Variants in KALRN observed in about 807,000 individuals in gnomAD.
The protein encoded by KALRN is kalirin RhoGEF kinase, also known as kalirin.
KALRN carries 70 observed loss-of-function variants against 353.7 expected under a neutral mutation model. The observed-to-expected ratio is 0.20, with a 90% CI of 0.16 to 0.24. KALRN has a LOEUF of 0.24. Among genes scored for constraint, KALRN ranks in the 10% least tolerant of loss-of-function variants. KALRN has a pLI of 1.00. For missense variants in KALRN, 2,791 were observed against 3,756.7 expected (o/e 0.74, Z 6.72); for synonymous variants, 1,391 against 1,434.8 (o/e 0.97, Z 0.69).
intron 26 of KALRN, among the ~76,000 whole-genome samples, chr3:124,475,244 T>A (rs1282517153): frequency 6.6e-6 from 1 of 152,162 alleles, no homozygotes; most frequent in Non-Finnish European, 1.5e-5. Context: ...TTGGTTACAT[T>A]TTCTTCTTTA....
intron 3 of KALRN, among the ~76,000 whole-genome samples, chr3:124,240,520 A>G (rs758906680): frequency 3.3e-5 from 5 of 152,196 alleles, no homozygotes; most frequent in African/African-American, 7.2e-5. Context: ...CCTGACAGGA[A>G]CTGTGGCCTT....
chr3:124,337,922 G>A (rs572058875), intron 9 of KALRN, among the ~76,000 whole-genome samples: 53 of 152,246 alleles, frequency 3.5e-4, no homozygotes, highest in African/African-American at 8.9e-4. Flanking sequence ...GTTTATTTGC[G>A]TAGAGGTATT....
At chr3:124,216,147 A>C (rs1334055687) in intron 1 of KALRN, among the ~76,000 whole-genome samples, 3 of 152,244 alleles carry the variant, frequency 2.0e-5, no homozygotes, top group Non-Finnish European at 4.4e-5. Flanking sequence ...CTTACAGCAC[A>C]GGATCTTTCA....
intron 1 of KALRN, among the ~76,000 whole-genome samples, chr3:124,062,462 G>A (rs1001650300): frequency 3.3e-5 from 5 of 152,164 alleles, no homozygotes; most frequent in African/African-American, 7.2e-5. Context: ...ACCTACAGCT[G>A]CTTGCATCAG....
intron 1 of KALRN, among the ~76,000 whole-genome samples, chr3:124,076,542 C>T (rs1263449681): frequency 2.6e-5 from 4 of 152,180 alleles, no homozygotes; most frequent in Admixed American, 6.5e-5. Context: ...CGGAGGAGCC[C>T]GCATCTTCCA....
rs146327967 is a variant in KALRN, at chr3:124,417,483, G to A, written c.2542+3818G>A. Among the ~76,000 whole-genome samples, 461 of 152,298 alleles carry A rather than the reference G, an allele frequency of 3.0e-3. 4 individuals are homozygous for A. The highest frequency in any genetic ancestry group is 0.019 in the South Asian group (91 of 4,820). On this transcript the variant is annotated intron_variant, in intron 14 of 59. Transcript: ENST00000682506. The stretch of plus-strand genomic sequence containing the variant: ...ATGTTGTTTTTGTGATTTACACAAC[G>A]CGTTAAGTTCTCTCTTTATACAAGG...
intron 51 of KALRN, among the ~76,000 whole-genome samples, chr3:124,689,766 C>CA (rs199953941): frequency 1.3e-4 from 20 of 148,876 alleles, no homozygotes; most frequent in African/African-American, 2.0e-4. Flanking sequence ...AGACTCATAG[C>CA]AAAAAAAAAT....
chr3:124,304,127 A>AACACAC (rs3055892), intron 6 of KALRN, among the ~76,000 whole-genome samples: 6,122 of 147,426 alleles, frequency 0.042, 205 homozygotes, highest in African/African-American at 0.086. Flanking sequence ...TTTTGTTGTA[A>AACACAC]ACACACACAC....
rs752776755 is a variant in KALRN, at chr3:124,477,352, T to TG, written c.4191+18_4191+19insG. ...TCTTTGATGTAAGCTGTGTTTTCCA[T>TG]TCTTGAGCAGCTGATGAGCAGGTGG... is the stretch of plus-strand genomic sequence containing the variant. On this transcript the variant is annotated intron_variant, in intron 27 of 59. Coordinates refer to ENST00000682506, the MANE Select transcript of KALRN (RefSeq NM_001388419.1). 6.3e-7 allele frequency: 1 copy of TG among 1,577,664 alleles called. No individual in the cohort carries two copies. Among genetic ancestry groups the TG allele is most frequent in the South Asian group, 1.1e-5 (1 of 90,060 alleles).
At chr3:124,263,838 G>A (rs2073190817) in intron 3 of KALRN, among the ~76,000 whole-genome samples, 1 of 152,090 alleles carries the variant, frequency 6.6e-6, no homozygotes, top group Non-Finnish European at 1.5e-5. Flanking sequence ...TTCCATCTCA[G>A]GTTTAAGAGG....
At chr3:124,385,277 G>A (rs907265153) in intron 11 of KALRN, among the ~76,000 whole-genome samples, 1 of 152,110 alleles carries the variant, frequency 6.6e-6, no homozygotes, top group Admixed American at 6.5e-5. Flanking sequence ...GTGGTTTTCG[G>A]GGCATCTGCT....
chr3:124,692,417 G>T (rs1019916248), intron 51 of KALRN, among the ~76,000 whole-genome samples: 10 of 152,204 alleles, frequency 6.6e-5, no homozygotes, highest in Admixed American at 4.6e-4. Context: ...CTTCCAAAGG[G>T]TTTATATGGA....
In KALRN at chr3:124,305,866, G is replaced by GA. The variant is rs537235197; in HGVS notation, c.1092+6961dup. Among the ~76,000 whole-genome samples, 1,237 of 150,164 alleles carry GA rather than the reference G, an allele frequency of 8.2e-3. 13 individuals are homozygous for GA. Among genetic ancestry groups the GA allele is most frequent in the Non-Finnish European group, 0.015 (1,009 of 67,514 alleles). On this transcript the variant is annotated intron_variant, in intron 6 of 59. Coordinates refer to ENST00000682506, the MANE Select transcript of KALRN (RefSeq NM_001388419.1). ...CAAAGAAACAGGAAAGTATGACCAG[G>GA]AAAAAAAAGGAGTAAAAATATGTAC...
At chr3:124,668,165 G>A (rs1276174931) in intron 47 of KALRN, among the ~76,000 whole-genome samples, 1 of 151,392 alleles carries the variant, frequency 6.6e-6, no homozygotes, top group African/African-American at 2.4e-5. Context: ...CGTGCTCACA[G>A]GAGCGCACAC....
chr3:124,431,876 A>T (rs1449776787), intron 16 of KALRN, among the ~76,000 whole-genome samples: 1 of 152,214 alleles, frequency 6.6e-6, no homozygotes, highest in African/African-American at 2.4e-5. Context: ...CAGTGTTAAG[A>T]TGCATGATAT....
chr3:124,612,867 A>G (rs1417636148), intron 34 of KALRN, among the ~76,000 whole-genome samples: 1 of 150,480 alleles, frequency 6.6e-6, no homozygotes, highest in Non-Finnish European at 1.5e-5. Flanking sequence ...TAGTATCTTC[A>G]AATATAAAAT....
intron 10 of KALRN, among the ~76,000 whole-genome samples, chr3:124,367,279 C>T (rs1236274016): frequency 1.2e-4 from 8 of 66,178 alleles, no homozygotes; most frequent in African/African-American, 5.4e-4. Context: ...GCTGGCCGGG[C>T]GGGGGGCTGA....
chr3:124,152,422 A>G, intron 1 of KALRN: 7 of 1,347,366 alleles, frequency 5.2e-6, no homozygotes, highest in Non-Finnish European at 7.4e-6. Context: ...CCTGATGACA[A>G]ATGCCAATTT....
intron 34 of KALRN, among the ~76,000 whole-genome samples, chr3:124,589,498 TG>T (rs1225313827): frequency 1.3e-5 from 2 of 152,060 alleles, no homozygotes; most frequent in Non-Finnish European, 2.9e-5. Context: ...GAGGTTGAGG[TG>T]GGAGGATCGG....
Sources: allele counts gnomAD v4.1 joint callset (sites outside exome capture counted in the v4.1 genomes callset), GRCh38; gene constraint gnomAD v4.1.1; transcripts MANE v1.5; gene names NCBI Gene and HGNC (gene_info 2026-07-23, HGNC 2026-07-21).